The following LRRC37A2 variants were observed in gnomAD, a reference collection of about 807,000 sequenced individuals.
LRRC37A2 encodes the protein leucine-rich repeat-containing protein 37A2.
In LRRC37A2, 9 loss-of-function variants were observed where a neutral mutation model predicts 68.8. The observed-to-expected ratio is 0.13, with a 90% CI of 0.08 to 0.23. The LOEUF (loss-of-function observed/expected upper bound fraction) is 0.23. LRRC37A2 is among the 10% of genes least tolerant of loss of function. The probability of loss-of-function intolerance (pLI) is 1.00; values close to 1 mark genes in which losing one functional copy is unlikely to be tolerated. For missense variants in LRRC37A2, 168 were observed against 950.4 expected, an observed-to-expected ratio of 0.18 and a Z score of 10.82; for synonymous variants, 63 against 367.6, an observed-to-expected ratio of 0.17 and a Z score of 9.48.
chr17:47,011,353 A>G, the LRRC37A2 span, among the ~76,000 whole-genome samples: 1 of 152,104 alleles, frequency 6.6e-6, no homozygotes, highest in Admixed American at 6.6e-5. Context: ...GTTTGAGACC[A>G]GTCTGGCCAA....
At chr17:46,953,109 C>A in the LRRC37A2 span, among the ~76,000 whole-genome samples, 3 of 151,792 alleles carry the variant, frequency 2.0e-5, no homozygotes, top group African/African-American at 7.3e-5. Context: ...AGGTTTGTTA[C>A]ATATGTATAC....
the LRRC37A2 span, among the ~76,000 whole-genome samples, chr17:46,580,354 CTGT>C: frequency 8.7e-4 from 133 of 152,050 alleles, no homozygotes; most frequent in African/African-American, 3.1e-3. Flanking sequence ...TTACAAACGC[CTGT>C]AAATGGTACA....
chr17:46,525,479 C>T (rs1169738944), intron 6 of LRRC37A2, among the ~76,000 whole-genome samples: 1 of 111,726 alleles, frequency 9.0e-6, no homozygotes, highest in Non-Finnish European at 2.0e-5. Flanking sequence ...CCTAGGTACT[C>T]AGGAGGCTGA....
At chr17:46,842,427 T>C in the LRRC37A2 span, among the ~76,000 whole-genome samples, 28 of 152,170 alleles carry the variant, frequency 1.8e-4, no homozygotes, top group Non-Finnish European at 3.2e-4. Flanking sequence ...CAGGCTGGAG[T>C]GCAGTGGCGC....
intron 8 of LRRC37A2, among the ~76,000 whole-genome samples, chr17:46,542,364 C>CTTT (rs1483826694): frequency 6.7e-6 from 1 of 148,832 alleles, no homozygotes; most frequent in Non-Finnish European, 1.5e-5. Flanking sequence ...TGTGATGTAT[C>CTTT]TTTTTTATTT....
the LRRC37A2 span, among the ~76,000 whole-genome samples, chr17:47,022,440 T>C: frequency 6.6e-6 from 1 of 150,796 alleles, no homozygotes; most frequent in African/African-American, 2.4e-5. Context: ...AAAGTGTTCA[T>C]ATTACAGGCA....
chr17:47,005,333 A>G, the LRRC37A2 span, among the ~76,000 whole-genome samples: 2 of 152,144 alleles, frequency 1.3e-5, no homozygotes, highest in South Asian at 2.1e-4. Context: ...TGTGCAGTGG[A>G]AACAGTGCAG....
At chr17:46,785,671 G>A in the LRRC37A2 span, among the ~76,000 whole-genome samples, 1 of 152,252 alleles carries the variant, frequency 6.6e-6, no homozygotes, top group Non-Finnish European at 1.5e-5. Context: ...GGGACCACCT[G>A]AGAGCCCGGG....
chr17:46,499,575 T>C, the LRRC37A2 span, among the ~76,000 whole-genome samples: 1 of 112,714 alleles, frequency 8.9e-6, no homozygotes, highest in Non-Finnish European at 1.7e-5. Flanking sequence ...TAAAACATGA[T>C]CTGTGCTCTA....
chr17:46,953,268 A>T, the LRRC37A2 span, among the ~76,000 whole-genome samples: 138 of 151,808 alleles, frequency 9.1e-4, no homozygotes, highest in African/African-American at 3.3e-3. Flanking sequence ...TCATTGTTCA[A>T]TTCCCACCTA....
At chr17:46,846,513 A>G in the LRRC37A2 span, among the ~76,000 whole-genome samples, 1 of 152,234 alleles carries the variant, frequency 6.6e-6, no homozygotes, top group East Asian at 1.9e-4. Flanking sequence ...CACAAAGTAC[A>G]GTTGTGCCAA....
the LRRC37A2 span, chr17:46,940,861 T>C: frequency 2.1e-6 from 3 of 1,427,016 alleles, no homozygotes; most frequent in Non-Finnish European, 2.7e-6. Context: ...CCAGGGGCAT[T>C]GAGACTGCAT....
chr17:46,873,529 A>G, the LRRC37A2 span, among the ~76,000 whole-genome samples: 13 of 152,142 alleles, frequency 8.5e-5, no homozygotes, highest in Non-Finnish European at 1.8e-4. Context: ...CTCCCTGTCA[A>G]TTGCCCCTTA....
chr17:46,678,286 CAA>C, the LRRC37A2 span, among the ~76,000 whole-genome samples: 4 of 110,084 alleles, frequency 3.6e-5, no homozygotes, highest in African/African-American at 1.4e-4. Flanking sequence ...GGATAAAAGA[CAA>C]GACAGATTTT....
chr17:46,750,129 GA>G, the LRRC37A2 span, among the ~76,000 whole-genome samples: 1 of 152,178 alleles, frequency 6.6e-6, no homozygotes, highest in African/African-American at 2.4e-5. Context: ...GGGGCAGGTG[GA>G]TCACTTGAGG....
At chr17:46,910,525 C>T in the LRRC37A2 span, among the ~76,000 whole-genome samples, 1 of 152,224 alleles carries the variant, frequency 6.6e-6, no homozygotes, top group Admixed American at 6.5e-5. Context: ...CATCACCTGT[C>T]TAGCTTGGAG....
At chr17:46,835,838 C>A in the LRRC37A2 span, among the ~76,000 whole-genome samples, 3 of 152,248 alleles carry the variant, frequency 2.0e-5, no homozygotes, top group Non-Finnish European at 4.4e-5. Context: ...ACCTCTGCAC[C>A]CCTGCCTAGC....
At chr17:46,939,363 A>G in the LRRC37A2 span, 2 of 1,002,624 alleles carry the variant, frequency 2.0e-6, no homozygotes, top group Non-Finnish European at 2.4e-6. Context: ...GCTATTGCCG[A>G]TAACAAGTAA....
the LRRC37A2 span, among the ~76,000 whole-genome samples, chr17:46,602,766 TC>T: frequency 6.8e-6 from 1 of 147,654 alleles, no homozygotes; most frequent in East Asian, 2.0e-4. Flanking sequence ...ACTATTTTTC[TC>T]CTAGAGAATA....
Sources: gnomAD v4.1 joint callset for allele counts (sites outside exome capture counted in the v4.1 genomes callset) on GRCh38, gnomAD v4.1.1 for gene constraint, MANE v1.5 for transcripts, NCBI Gene and HGNC (gene_info 2026-07-23, HGNC 2026-07-21) for gene names.